The following TET2 variants were observed in gnomAD, a reference collection of about 807,000 sequenced individuals.
The protein encoded by TET2 is tet methylcytosine dioxygenase 2.
In TET2, 299 loss-of-function variants were observed where a neutral mutation model predicts 142.9. That is an observed-to-expected ratio of 2.09 (90% CI 1.90 to 2.30). The LOEUF is 2.30. Ranked by LOEUF, TET2 falls within the 30% of genes most tolerant of loss-of-function variation. TET2 has a pLI of 0.00. For synonymous variants in TET2, 819 were observed against 849.0 expected, an observed-to-expected ratio of 0.96 and a Z score of 0.61; for missense variants, 2,418 against 2,378.0, an observed-to-expected ratio of 1.02 and a Z score of -0.35.
At chr4:105,154,250 T>C (rs1324137693) in intron 1 of TET2, among the ~76,000 whole-genome samples, 1 of 152,252 alleles carries the variant, frequency 6.6e-6, no homozygotes, top group Non-Finnish European at 1.5e-5. Context: ...CACTGAATTA[T>C]ATGCTTTAAA....
chr4:105,276,133 T>C lies in TET2; in HGVS notation c.5623T>C (p.Cys1875Arg). 1.9e-6 allele frequency: 3 copies of C among 1,551,556 alleles called. No homozygotes were observed. The highest frequency in any genetic ancestry group is 1.2e-5 in the South Asian group (1 of 84,056). The change falls in exon 11 of 11, where the codon TGT (cysteine) becomes CGT (arginine). Residue 1875 changes from cysteine (C) to arginine (R), a missense_variant. Physicochemically the swap from Cys to Arg is radical, Grantham distance 180. Coordinates refer to ENST00000380013, the MANE Select transcript of TET2 (RefSeq NM_001127208.3). Reference protein sequence around the residue: ...APTHGSILIECAKRELHATTP... With the variant: ...APTHGSILIERAKRELHATTP... The stretch of plus-strand genomic sequence containing the variant: ...AACTCATGGGTCAATTCTCATTGAG[T>C]GTGCAAAGCGTGAGCTGCATGCCAC...
rs1365072838 is a variant in TET2 at position 105,235,713 on chromosome 4, C to T, written c.1771C>T (p.Gln591Ter). 6 of 1,614,020 alleles carry T rather than the reference C, an allele frequency of 3.7e-6. No individual in the cohort carries two copies. The highest frequency in any genetic ancestry group is 2.2e-5 in the East Asian group (1 of 44,886). ...TGAGGCATCACTGCCATCAATTCTTCAGTATCAACCCAATCTCTCCAATCA... is the reference window on the plus strand; with the variant it reads ...TGAGGCATCACTGCCATCAATTCTTTAGTATCAACCCAATCTCTCCAATCA... ...RNEASLPSIL[Q>*]YQPNLSNQMT... Residue 591 changes from glutamine (Q) to a stop codon, truncating the protein, a stop_gained, in exon 3 of 11, where the codon CAG (glutamine) becomes TAG (stop). Transcript: ENST00000380013. LOFTEE classifies it high-confidence loss of function.
chr4:105,249,338 C>T (rs1729748047), intron 6 of TET2, among the ~76,000 whole-genome samples: 1 of 152,026 alleles, frequency 6.6e-6, no homozygotes, highest in South Asian at 2.1e-4. Flanking sequence ...TTTTCTTTTT[C>T]CATTTATTAG....
rs1322900367 is a variant in TET2, at chr4:105,236,169, C to A, written c.2227C>A (p.Gln743Lys). The change falls in exon 3 of 11, where the codon CAA becomes AAA. Residue 743 changes from glutamine to lysine, a missense_variant. Transcript: ENST00000380013. ...SQSSHLPQNQ[Q>K]QQQKLQIKNK... ...GAGTTCACATCTCCCTCAAAACCAG[C>A]AACAGCAGCAAAAATTACAAATAAA... 1.2e-6 allele frequency: 2 copies of A among 1,614,076 alleles called. No individual in the cohort carries two copies. Among genetic ancestry groups the A allele is most frequent in the Non-Finnish European group, 1.7e-6 (2 of 1,179,996 alleles).
chr4:105,269,880 C>T, intron 9 of TET2, 133 bp downstream of exon 9: 2 of 1,084,100 alleles, frequency 1.8e-6, no homozygotes, highest in East Asian at 2.6e-5. Context: ...GCTGTGGAGG[C>T]CTCACAATCA....
chr4:105,253,098 A>G (rs778676561), intron 6 of TET2, among the ~76,000 whole-genome samples: 9 of 152,128 alleles, frequency 5.9e-5, no homozygotes, highest in East Asian at 1.9e-4. Context: ...CTCCTTCAGT[A>G]TTGAGTTGGC....
intron 2 of TET2, among the ~76,000 whole-genome samples, chr4:105,230,919 G>C (rs753689149): frequency 1.1e-4 from 17 of 151,938 alleles, no homozygotes; most frequent in Non-Finnish European, 2.2e-4. Context: ...AATTCATCTA[G>C]AATTTATCTT....
At chr4:105,233,518 T>A (rs1313485976) in intron 2 of TET2, among the ~76,000 whole-genome samples, 3 of 151,834 alleles carry the variant, frequency 2.0e-5, no homozygotes, top group Non-Finnish European at 2.9e-5. Context: ...ACTTAGCAAG[T>A]GATTAGGTAA....
intron 6 of TET2, among the ~76,000 whole-genome samples, chr4:105,248,279 G>A (rs1729685507): frequency 6.6e-6 from 1 of 152,030 alleles, no homozygotes. Context: ...TTGTTTTCAA[G>A]TTGACAGTTT....
intron 2 of TET2, among the ~76,000 whole-genome samples, chr4:105,207,527 T>G (rs1726901143): frequency 6.6e-6 from 1 of 151,998 alleles, no homozygotes. Flanking sequence ...TTCTGCTTGT[T>G]TTGGCTATGG....
rs1462991078 is a variant in TET2, at chr4:105,240,205, A to G, written c.3410-1134A>G. 1.9e-5 allele frequency: 6 copies of G among 315,096 alleles called. No homozygotes were observed. The Admixed American group carries it at 3.5e-4, about 18-fold the overall frequency. The allele number at this position is 315,096 out of a possible 1,614,324, so 19.5% of individuals were successfully genotyped here. On this transcript the variant is annotated intron_variant, in intron 3 of 10. Coordinates refer to ENST00000380013, the MANE Select transcript of TET2 (RefSeq NM_001127208.3). The stretch of plus-strand genomic sequence containing the variant: ...ATGAAGTGAGCACATGCTGTTGAAA[A>G]AAATGACACTGATAGACATACTTAA...
intron 4 of TET2, chr4:105,241,814 G>C: frequency 1.6e-6 from 2 of 1,248,384 alleles, no homozygotes. Flanking sequence ...TATAAGAAAA[G>C]AACCACTGAA....
intron 1 of TET2, among the ~76,000 whole-genome samples, chr4:105,179,172 A>T (rs558939485): frequency 3.7e-4 from 57 of 152,254 alleles, no homozygotes; most frequent in African/African-American, 1.4e-3. Flanking sequence ...ATAATTCAAG[A>T]TGAGATTTGG....
chr4:105,230,900 C>G (rs1371982151), intron 2 of TET2, among the ~76,000 whole-genome samples: 1 of 151,884 alleles, frequency 6.6e-6, no homozygotes, highest in Non-Finnish European at 1.5e-5. Context: ...TTCCTGTATT[C>G]AAATATTAAA....
intron 2 of TET2, among the ~76,000 whole-genome samples, chr4:105,217,065 C>T (rs1013459208): frequency 6.6e-6 from 1 of 151,820 alleles, no homozygotes; most frequent in African/African-American, 2.4e-5. Context: ...GTTCTTGCCC[C>T]TCCCTGCATT....
chr4:105,183,774 A>G (rs1204340224), intron 1 of TET2, among the ~76,000 whole-genome samples: 3 of 152,218 alleles, frequency 2.0e-5, no homozygotes, highest in African/African-American at 7.2e-5. Context: ...CCGCGCAAAT[A>G]CAATCACAAA....
At chr4:105,198,568 GA>G (rs1726238221) in intron 2 of TET2, among the ~76,000 whole-genome samples, 1 of 152,132 alleles carries the variant, frequency 6.6e-6, no homozygotes, top group Non-Finnish European at 1.5e-5. Context: ...AAGTTATGGA[GA>G]AAGAAGCAGT....
In TET2 at chr4:105,233,982, C is replaced by G; in HGVS notation, c.40C>G (p.Leu14Val). 6.2e-7 allele frequency: 1 copy of G among 1,614,074 alleles called. No homozygotes were observed. Among genetic ancestry groups the G allele is most frequent in the Non-Finnish European group, 8.5e-7 (1 of 1,180,004 alleles). ...AACCAACCATGTTGAGGGCAACAGA[C>G]TAAGTCCATTCCTGATACCATCACC... ...DRTNHVEGNR[L>V]SPFLIPSPPI... The change falls in exon 3 of 11, where the codon CTA becomes GTA. Residue 14 changes from leucine (L) to valine (V), a missense_variant. Leu to Val is a conservative substitution (Grantham distance 32, BLOSUM62 1). Transcript: ENST00000380013.
chr4:105,252,698 G>T (rs1384672841), intron 6 of TET2, among the ~76,000 whole-genome samples: 1 of 152,090 alleles, frequency 6.6e-6, no homozygotes, highest in South Asian at 2.1e-4. Flanking sequence ...TTTTGGTATT[G>T]TATCTAAAAA....
Sources: gnomAD v4.1 joint callset for allele counts (sites outside exome capture counted in the v4.1 genomes callset) on GRCh38, gnomAD v4.1.1 for gene constraint, MANE v1.5 for transcripts, NCBI Gene and HGNC (gene_info 2026-07-23, HGNC 2026-07-21) for gene names.